SEMA6D: variants seen among roughly 807,000 people sequenced by gnomAD.
SEMA6D encodes the protein semaphorin 6D.
In SEMA6D, 35 loss-of-function variants were observed where a neutral mutation model predicts 106.6. That is an observed-to-expected ratio of 0.33 (90% CI 0.25 to 0.44). SEMA6D has a LOEUF of 0.44. SEMA6D is among the 20% of genes least tolerant of loss of function. The pLI, the probability that SEMA6D is intolerant of heterozygous loss-of-function variation, is 1.00. For missense variants in SEMA6D, 1,185 were observed against 1,345.9 expected (o/e 0.88, Z 1.87); for synonymous variants, 499 against 487.7 (o/e 1.02, Z -0.31).
At chr15:47,534,599 T>G (rs546822075) in intron 3 of SEMA6D, among the ~76,000 whole-genome samples, 59 of 152,196 alleles carry the variant, frequency 3.9e-4, no homozygotes, top group Non-Finnish European at 6.8e-4. Context: ...GTATATGCCA[T>G]TCTTGACTTT....
At chr15:47,731,104 C>T (rs1162741202) in intron 1 of SEMA6D, among the ~76,000 whole-genome samples, 1 of 152,174 alleles carries the variant, frequency 6.6e-6, no homozygotes. Flanking sequence ...TTTATTATTG[C>T]CATTTACATT....
intron 4 of SEMA6D, among the ~76,000 whole-genome samples, chr15:47,690,871 C>G (rs1393892286): frequency 3.3e-5 from 5 of 152,136 alleles, no homozygotes; most frequent in African/African-American, 1.2e-4. Flanking sequence ...TACCCTTTGC[C>G]TAACTCACCC....
rs1244628758 is a variant in SEMA6D, at chr15:47,768,650, A to G, written c.1835A>G (p.Asp612Gly). ...SIPEITPKVI[D>G]TWRPKLTSSR... Reference sequence around the variant, plus strand: ...CCAGAAATCACACCTAAAGTGATTGATACCTGGAGACCTAAACTGACAAGC... The same window carrying G: ...CCAGAAATCACACCTAAAGTGATTGGTACCTGGAGACCTAAACTGACAAGC... The change falls in exon 18 of 19, where the codon GAT becomes GGT. Residue 612 changes from aspartate (D) to glycine (G), a missense_variant. Physicochemically the swap from Asp to Gly is moderately conservative, Grantham distance 94 (BLOSUM62 -1). This residue lies in a region of SEMA6D where 750 missense variants were observed against 783.5 expected (regional missense o/e 0.96). Transcript: ENST00000536845. 8.7e-6 allele frequency: 14 copies of G among 1,613,432 alleles called. No individual in the cohort carries two copies. Among genetic ancestry groups the G allele is most frequent in the Non-Finnish European group, 1.1e-5 (13 of 1,179,578 alleles).
chr15:47,558,656 A>G (rs1025790176), intron 3 of SEMA6D, among the ~76,000 whole-genome samples: 2 of 152,096 alleles, frequency 1.3e-5, no homozygotes, highest in African/African-American at 4.8e-5. Context: ...TATTCAATTC[A>G]ATCTATTAAC....
At chr15:47,235,986 A>G (rs1387382319) in intron 1 of SEMA6D, among the ~76,000 whole-genome samples, 1 of 152,052 alleles carries the variant, frequency 6.6e-6, no homozygotes, top group Middle Eastern at 3.2e-3. Context: ...TATTTTCAAG[A>G]CTGCTGTTGA....
At chr15:47,239,936 T>A (rs2032800667) in intron 1 of SEMA6D, among the ~76,000 whole-genome samples, 1 of 152,342 alleles carries the variant, frequency 6.6e-6, no homozygotes, top group Non-Finnish European at 1.5e-5. Flanking sequence ...GTAATATTTA[T>A]CTTTAAAAGT....
At chr15:47,231,337 T>C (rs779937730) in intron 1 of SEMA6D, among the ~76,000 whole-genome samples, 9 of 152,006 alleles carry the variant, frequency 5.9e-5, no homozygotes, top group Non-Finnish European at 1.2e-4. Context: ...CAGCTTTTCA[T>C]ATCCACCTTC....
At chr15:47,690,776 T>G (rs1207678118) in intron 4 of SEMA6D, among the ~76,000 whole-genome samples, 2 of 147,868 alleles carry the variant, frequency 1.4e-5, no homozygotes, top group Non-Finnish European at 3.0e-5. Flanking sequence ...TAGTCTTTTG[T>G]AGAAACCGGG....
intron 1 of SEMA6D, among the ~76,000 whole-genome samples, chr15:47,270,694 T>A (rs2034521307): frequency 6.6e-6 from 1 of 152,164 alleles, no homozygotes; most frequent in African/African-American, 2.4e-5. Flanking sequence ...CCCATCGTTT[T>A]AAAAAATATA....
chr15:47,637,264 C>T, intron 4 of SEMA6D, among the ~76,000 whole-genome samples: 1 of 152,186 alleles, frequency 6.6e-6, no homozygotes, highest in South Asian at 2.1e-4. Context: ...TTTCTTTCCA[C>T]CCCAAACAGT....
intron 1 of SEMA6D, among the ~76,000 whole-genome samples, chr15:47,308,778 T>C (rs1170977331): frequency 6.6e-6 from 1 of 152,200 alleles, no homozygotes; most frequent in East Asian, 1.9e-4. Flanking sequence ...TGGGAGAAAT[T>C]ACATGAGTGC....
At chr15:47,207,726 G>A (rs2141166095) in intron 1 of SEMA6D, among the ~76,000 whole-genome samples, 1 of 152,202 alleles carries the variant, frequency 6.6e-6, no homozygotes, top group Non-Finnish European at 1.5e-5. Context: ...GAAAAAGGCA[G>A]TCCTCTAAGA....
Position 47,773,287 on chromosome 15 carries a change from C to G in SEMA6D, c.*1502C>G, listed in dbSNP as rs529218427. The stretch of plus-strand genomic sequence containing the variant: ...ATTCTTTGCCGTGATAAACATTCCA[C>G]TCCTGCTTTCCTAAGGATGAAACAG... On this transcript the variant is annotated 3_prime_UTR_variant, in exon 19 of 19. Transcript: ENST00000536845. 6.5e-6 allele frequency: 1 copy of G among 152,738 alleles called. No homozygotes were observed. The highest frequency in any genetic ancestry group is 2.4e-5 in the African/African-American group (1 of 41,574). The allele number at this position is 152,738 out of a possible 1,614,324, so 9.5% of individuals were successfully genotyped here. A position where few individuals can be genotyped will look rare whatever the true frequency, so the allele number is the denominator to read the frequency against.
chr15:47,603,066 C>T (rs746034752), intron 4 of SEMA6D, among the ~76,000 whole-genome samples: 11 of 152,212 alleles, frequency 7.2e-5, no homozygotes, highest in South Asian at 2.1e-4. Context: ...AGTGAGATGG[C>T]GTATGCTTTC....
chr15:47,330,173 T>TC (rs1186995232), intron 1 of SEMA6D, among the ~76,000 whole-genome samples: 1 of 152,198 alleles, frequency 6.6e-6, no homozygotes, highest in African/African-American at 2.4e-5. Context: ...CTTCTTTTTT[T>TC]CTCTCTTGGT....
intron 1 of SEMA6D, among the ~76,000 whole-genome samples, chr15:47,200,306 A>G (rs367930197): frequency 6.6e-6 from 1 of 152,140 alleles, no homozygotes; most frequent in East Asian, 1.9e-4. Flanking sequence ...ATATTTGTGA[A>G]AAGTGTTACA....
rs75615754 is a variant in SEMA6D at position 47,576,392 on chromosome 15, C to T, written c.-86-24473C>T. Among the ~76,000 whole-genome samples the T allele has an allele frequency of 8.5e-5, 13 of 152,278 alleles. No homozygotes were observed. The East Asian group carries it at 2.5e-3, about 29-fold the overall frequency. ...CTGGTGCTAAGGCAAGCCCATACCC[C>T]AAGTGAAGTTGTTGATGATTGAGTG... On this transcript the variant is annotated intron_variant, in intron 3 of 19. Coordinates refer to the SEMA6D transcript ENST00000558014.
At chr15:47,717,876 GTGTT>G (rs2079183792) in intron 1 of SEMA6D, among the ~76,000 whole-genome samples, 184 bp downstream of exon 1, 2 of 125,164 alleles carry the variant, frequency 1.6e-5, no homozygotes, top group African/African-American at 5.8e-5. Context: ...GTGTGTGTGT[GTGTT>G]GCCACTGGAC....
At chr15:47,474,061 G>A (rs2042933885) in intron 3 of SEMA6D, among the ~76,000 whole-genome samples, 1 of 152,178 alleles carries the variant, frequency 6.6e-6, no homozygotes, top group Non-Finnish European at 1.5e-5. Context: ...GGAGAAGGAG[G>A]CTTAATTCCT....
Sources: allele counts gnomAD v4.1 joint callset (sites outside exome capture counted in the v4.1 genomes callset), GRCh38; gene constraint gnomAD v4.1.1; regional missense constraint gnomAD v4.1.1; transcripts MANE v1.5; gene names NCBI Gene and HGNC (gene_info 2026-07-23, HGNC 2026-07-21).